Variants in KLHL32 observed in about 807,000 individuals in gnomAD.
The protein encoded by KLHL32 is kelch like family member 32, also known as kelch-like protein 32.
KLHL32 carries 35 observed loss-of-function variants against 64.8 expected under a neutral mutation model. That is an observed-to-expected ratio of 0.54 (90% CI 0.41 to 0.72). The LOEUF (loss-of-function observed/expected upper bound fraction) is 0.72, where lower values mean the gene tolerates loss of function less well. Ranked by LOEUF, KLHL32 falls within the 30% of genes least tolerant of loss-of-function variation. The pLI, the probability that KLHL32 is intolerant of heterozygous loss-of-function variation, is 0.00. For synonymous variants in KLHL32, 259 were observed against 281.0 expected (o/e 0.92, Z 0.78); for missense variants, 589 against 768.5 (o/e 0.77, Z 2.76).
chr6:96,902,041 T>C, the KLHL32 span, among the ~76,000 whole-genome samples: 6 of 152,240 alleles, frequency 3.9e-5, no homozygotes, highest in African/African-American at 1.2e-4. Flanking sequence ...GCAATGAACA[T>C]ACATGTGCAT....
In KLHL32 at chr6:97,064,690, G is replaced by A. The variant is rs767153157; in HGVS notation, c.375G>A (p.Leu125=). The change falls in exon 5 of 11, where the codon TTG becomes TTA. Residue 125 remains leucine, a synonymous_variant. Coordinates refer to ENST00000369261, the MANE Select transcript of KLHL32 (RefSeq NM_052904.4). ...VLAAGSHLQL[L]ELLNLCSHYL... ...CAGCGGGCAGTCACCTACAGCTGTT[G>A]GAGCTTCTCAATTTATGCTCCCACT... 65 of 1,614,004 alleles carry A rather than the reference G, an allele frequency of 4.0e-5. No individual in the cohort carries two copies. Among genetic ancestry groups the A allele is most frequent in the Middle Eastern group, 1.6e-4 (1 of 6,084 alleles).
chr6:97,131,069 T>C, intron 9 of KLHL32, 120 bp downstream of exon 9: 1 of 809,170 alleles, frequency 1.2e-6, no homozygotes, highest in Non-Finnish European at 2.0e-6. Context: ...AGAACCTGCA[T>C]TTATTAACCA....
chr6:96,992,699 C>A (rs1344500303), intron 3 of KLHL32, among the ~76,000 whole-genome samples: 1 of 152,218 alleles, frequency 6.6e-6, no homozygotes, highest in Non-Finnish European at 1.5e-5. Flanking sequence ...CACCACAATG[C>A]CCCTCATACT....
intron 6 of KLHL32, among the ~76,000 whole-genome samples, chr6:97,100,758 A>G (rs1045411069): frequency 2.0e-4 from 29 of 143,620 alleles, no homozygotes; most frequent in African/African-American, 7.6e-4. Flanking sequence ...TGGTGAGCAC[A>G]TTTGCCAGTG....
intron 6 of KLHL32, among the ~76,000 whole-genome samples, chr6:97,100,072 G>A (rs1216671028): frequency 6.6e-6 from 1 of 152,070 alleles, no homozygotes; most frequent in African/African-American, 2.4e-5. Flanking sequence ...AACCCAGGAG[G>A]TGGAGGTAGC....
rs1562377149 is a variant in KLHL32, at chr6:97,139,938, C to T, written c.*656C>T. 1 of 152,168 alleles carries T rather than the reference C, an allele frequency of 6.6e-6. No homozygotes were observed. Among genetic ancestry groups the T allele is most frequent in the Non-Finnish European group, 1.5e-5 (1 of 68,020 alleles). The allele number at this position is 152,168 out of a possible 1,614,324, so 9.4% of individuals were successfully genotyped here. ...TCCCACCTTTTAAGGAGGATAATTA[C>T]TGATTTCCACGTTAATTTAAAAGAA... is the stretch of plus-strand genomic sequence containing the variant. On this transcript the variant is annotated 3_prime_UTR_variant, in exon 11 of 11. Coordinates refer to ENST00000369261, the MANE Select transcript of KLHL32 (RefSeq NM_052904.4).
intron 1 of KLHL32, among the ~76,000 whole-genome samples, chr6:96,934,800 T>C (rs1043606406): frequency 3.9e-5 from 6 of 152,248 alleles, no homozygotes; most frequent in African/African-American, 1.2e-4. Context: ...ATTACATGGC[T>C]TTATGTAAGC....
upstream of KLHL32, among the ~76,000 whole-genome samples, chr6:96,920,007 GCCAGT>G: frequency 6.6e-6 from 1 of 152,304 alleles, no homozygotes; most frequent in South Asian, 2.1e-4. Flanking sequence ...GTTTCAAAAG[GCCAGT>G]CCTCAGTGGA....
At chr6:97,030,374 T>A (rs527455672) in intron 3 of KLHL32, among the ~76,000 whole-genome samples, 25 of 152,336 alleles carry the variant, frequency 1.6e-4, no homozygotes, top group Non-Finnish European at 3.4e-4. Context: ...GGACTCAATT[T>A]GCATCACTTC....
intron 1 of KLHL32, among the ~76,000 whole-genome samples, chr6:96,938,578 C>G (rs1205080954): frequency 6.6e-6 from 1 of 152,158 alleles, no homozygotes; most frequent in Non-Finnish European, 1.5e-5. Context: ...AGCCACTGGC[C>G]TCCTCCACAG....
At chr6:97,139,079 G>GTCA in intron 10 of KLHL32, 42 bp from the exon 11 acceptor site, 1 of 1,571,598 alleles carries the variant, frequency 6.4e-7, no homozygotes, top group Non-Finnish European at 8.6e-7. Flanking sequence ...ATTTTGAGCA[G>GTCA]TCATCTTTGA....
At chr6:96,937,252 G>T (rs1035570779) in intron 1 of KLHL32, among the ~76,000 whole-genome samples, 1 of 152,082 alleles carries the variant, frequency 6.6e-6, no homozygotes, top group Non-Finnish European at 1.5e-5. Flanking sequence ...CTCCATCATA[G>T]GTAACCTCTG....
chr6:97,136,489 C>T (rs555367389), intron 10 of KLHL32, among the ~76,000 whole-genome samples: 29 of 152,206 alleles, frequency 1.9e-4, no homozygotes, highest in South Asian at 1.2e-3. Flanking sequence ...AGATTACTGA[C>T]GAAAGTGAAG....
chr6:96,905,655 A>G, the KLHL32 span, among the ~76,000 whole-genome samples: 1 of 152,232 alleles, frequency 6.6e-6, no homozygotes, highest in Non-Finnish European at 1.5e-5. Context: ...ATTTGAAAGC[A>G]TAAGTCTTGT....
chr6:96,904,225 C>T, the KLHL32 span, among the ~76,000 whole-genome samples: 1 of 151,214 alleles, frequency 6.6e-6, no homozygotes, highest in Non-Finnish European at 1.5e-5. Context: ...ATCGATAATC[C>T]CAGCTGCTCA....
At chr6:96,933,416 C>G (rs1013458863) in intron 1 of KLHL32, among the ~76,000 whole-genome samples, 1 of 152,134 alleles carries the variant, frequency 6.6e-6, no homozygotes, top group Non-Finnish European at 1.5e-5. Context: ...TGTAAGACTC[C>G]TTTGTTGGAT....
At chr6:96,920,758 A>T (rs554854850), upstream of KLHL32, among the ~76,000 whole-genome samples, 1 of 152,098 alleles carries the variant, frequency 6.6e-6, no homozygotes, top group African/African-American at 2.4e-5. Context: ...CTGGTCCCCA[A>T]CTGATGGACC....
chr6:96,999,527 A>G (rs776216223), intron 3 of KLHL32: 14 of 978,402 alleles, frequency 1.4e-5, no homozygotes, highest in Non-Finnish European at 1.7e-5. Context: ...TGAAGTGAAC[A>G]ATTCCTGACA....
intron 6 of KLHL32, among the ~76,000 whole-genome samples, chr6:97,088,369 T>C (rs1449864711): frequency 6.6e-6 from 1 of 152,168 alleles, no homozygotes; most frequent in Non-Finnish European, 1.5e-5. Flanking sequence ...GGACATTAGG[T>C]CACTTGCCTT....
Sources: allele counts gnomAD v4.1 joint callset (sites outside exome capture counted in the v4.1 genomes callset), GRCh38; gene constraint gnomAD v4.1.1; transcripts MANE v1.5; gene names NCBI Gene and HGNC (gene_info 2026-07-23, HGNC 2026-07-21).